ADGRV1: variants seen among roughly 807,000 people sequenced by gnomAD.
ADGRV1 encodes G-protein coupled receptor 98.
Under a neutral mutation model 596.2 loss-of-function variants are expected in ADGRV1, and 359 were observed. That is an observed-to-expected ratio of 0.60 (90% confidence interval 0.55 to 0.66). ADGRV1 has a LOEUF of 0.66. Ranked by LOEUF, ADGRV1 falls within the 30% of genes least tolerant of loss-of-function variation. ADGRV1 has a pLI of 0.00. For synonymous variants in ADGRV1, 2,681 were observed against 2,679.2 expected, an observed-to-expected ratio of 1.00 and a Z score of -0.02; for missense variants, 7,274 against 7,575.6, an observed-to-expected ratio of 0.96 and a Z score of 1.48.
intron 29 of ADGRV1, among the ~76,000 whole-genome samples, chr5:90,687,115 T>C (rs1745773875): frequency 6.6e-6 from 1 of 152,186 alleles, no homozygotes; most frequent in Non-Finnish European, 1.5e-5. Context: ...ATATTAGCCC[T>C]TTGTCAGATG....
intron 28 of ADGRV1, 109 bp downstream of exon 28, chr5:90,684,304 C>A: frequency 1.9e-6 from 2 of 1,042,168 alleles, no homozygotes; most frequent in Non-Finnish European, 2.7e-6. Flanking sequence ...TAAACTCTAA[C>A]TTTGAAAATG....
rs1465590723 is a variant in ADGRV1, at chr5:90,807,704, T to G, written c.14939T>G (p.Val4980Gly). ...PEAFVLHLSG[V>G]QSSAPGGAQL... is the part of the protein sequence containing the mutation. ...GCCTTTGTTCTTCACCTATCAGGAGTGCAGAGCAGTGCTCCTGGCGGAGCT... is the reference window on the plus strand; with the variant it reads ...GCCTTTGTTCTTCACCTATCAGGAGGGCAGAGCAGTGCTCCTGGCGGAGCT... The change falls in exon 73 of 90, where the codon GTG becomes GGG. Residue 4980 changes from valine to glycine, a missense_variant. Transcript: ENST00000405460. 6.3e-7 allele frequency: 1 copy of G among 1,587,186 alleles called. No homozygotes were observed. The highest frequency in any genetic ancestry group is 1.3e-5 in the African/African-American group (1 of 74,260).
chr5:91,053,468 C>A (rs202155721), intron 85 of ADGRV1, among the ~76,000 whole-genome samples: 2 of 152,274 alleles, frequency 1.3e-5, no homozygotes, highest in South Asian at 2.1e-4. Context: ...TAATTGTTAT[C>A]TTCCTGAAAA....
intron 83 of ADGRV1, among the ~76,000 whole-genome samples, chr5:90,877,272 A>G (rs1769305120): frequency 6.6e-6 from 1 of 151,828 alleles, no homozygotes; most frequent in Non-Finnish European, 1.5e-5. Context: ...TTAGTTTGCA[A>G]GGAATCTGGG....
At chr5:90,612,682 A>T (rs1355384631) in intron 1 of ADGRV1, among the ~76,000 whole-genome samples, 1 of 152,106 alleles carries the variant, frequency 6.6e-6, no homozygotes, top group Non-Finnish European at 1.5e-5. Flanking sequence ...TGCTGTTATG[A>T]TCACTCTGTA....
Position 91,102,240 on chromosome 5 carries a change from T to C in ADGRV1, c.18332T>C (p.Leu6111Pro). 1 of 1,609,814 alleles carries C rather than the reference T, an allele frequency of 6.2e-7. No individual in the cohort carries two copies. The highest frequency in any genetic ancestry group is 8.5e-7 in the Non-Finnish European group (1 of 1,177,590). The stretch of plus-strand genomic sequence containing the variant: ...CTAGAAATTCCACTGATTTTATATC[T>C]CTTTGCTCTGATTTCCGTGACATGG... ...NAAEIPLILYLFALISVTWLW... is the reference protein window; with the variant it reads ...NAAEIPLILYPFALISVTWLW... The change falls in exon 87 of 90, where the codon CTC becomes CCC. Residue 6111 changes from leucine to proline, a missense_variant. Coordinates refer to ENST00000405460, the MANE Select transcript of ADGRV1 (RefSeq NM_032119.4).
intron 83 of ADGRV1, among the ~76,000 whole-genome samples, chr5:90,955,753 A>ATATT (rs1194654127): frequency 6.6e-6 from 1 of 152,198 alleles, no homozygotes; most frequent in Non-Finnish European, 1.5e-5. Flanking sequence ...GTTGGATAAA[A>ATATT]TATTTGGGAA....
At chr5:90,777,796 C>A in intron 61 of ADGRV1, 109 bp from the exon 62 acceptor site, 1 of 1,022,342 alleles carries the variant, frequency 9.8e-7, no homozygotes, top group South Asian at 2.1e-5. Context: ...TAAAAGAAAA[C>A]TGTTATTGAA....
chr5:91,144,735 A>G (rs921827184), intron 87 of ADGRV1, among the ~76,000 whole-genome samples: 1 of 152,244 alleles, frequency 6.6e-6, no homozygotes, highest in African/African-American at 2.4e-5. Flanking sequence ...GGAAGAACAG[A>G]TGGATTATAT....
At position 90,728,926 on chromosome 5, in the gene ADGRV1, C is replaced by A; in HGVS notation, c.10419C>A (p.Val3473=). The change falls in exon 49 of 90, where the codon GTC becomes GTA. Residue 3473 remains valine (V), a synonymous_variant. Coordinates refer to ENST00000405460, the MANE Select transcript of ADGRV1 (RefSeq NM_032119.4). ...NDIYLIFAEN[V]FLGDQNSIDI... ...TTTACCTAATATTTGCCGAAAATGT[C>A]TTTCTAGGTGAGAAGATAAAGTATT... The A allele has an allele frequency of 6.2e-7, 1 of 1,604,890 alleles. No individual in the cohort carries two copies. The highest frequency in any genetic ancestry group is 8.5e-7 in the Non-Finnish European group (1 of 1,173,712).
At chr5:90,585,732 C>A (rs1360466442) in intron 1 of ADGRV1, among the ~76,000 whole-genome samples, 4 of 152,178 alleles carry the variant, frequency 2.6e-5, no homozygotes, top group African/African-American at 9.7e-5. Flanking sequence ...GAAGCAGTCC[C>A]GCATGTTAGG....
At chr5:90,827,064 G>T (rs1313446619) in intron 76 of ADGRV1, among the ~76,000 whole-genome samples, 1 of 152,052 alleles carries the variant, frequency 6.6e-6, no homozygotes, top group Non-Finnish European at 1.5e-5. Context: ...AATATTTGTT[G>T]CAAATATTTT....
At chr5:91,108,552 C>A (rs1272267818) in intron 87 of ADGRV1, among the ~76,000 whole-genome samples, 1 of 152,136 alleles carries the variant, frequency 6.6e-6, no homozygotes, top group Non-Finnish European at 1.5e-5. Context: ...ATTCTAGAAT[C>A]TGAGATCTCA....
At chr5:90,958,924 C>T (rs551146343) in intron 83 of ADGRV1, among the ~76,000 whole-genome samples, 119 of 152,150 alleles carry the variant, frequency 7.8e-4, no homozygotes, top group African/African-American at 2.3e-3. Flanking sequence ...AAATTAGAAA[C>T]AAAACAAAGA....
chr5:91,010,995 A>G (rs1782674193), intron 85 of ADGRV1, among the ~76,000 whole-genome samples: 1 of 151,996 alleles, frequency 6.6e-6, no homozygotes, highest in Non-Finnish European at 1.5e-5. Flanking sequence ...TATTGAATTC[A>G]ATTTATGTTA....
rs958077033 is a variant in ADGRV1, at chr5:90,817,293, A to T, written c.16196+1557A>T. On this transcript the variant is annotated intron_variant, in intron 75 of 89. Coordinates refer to ENST00000405460, the MANE Select transcript of ADGRV1 (RefSeq NM_032119.4). ...TTTTCTTGTAAATTTGTTTGAGTTC[A>T]TTGTAGATTCTGGATATTAGCCCTT... Among the ~76,000 whole-genome samples the T allele has an allele frequency of 1.4e-3, 218 of 151,130 alleles. 2 individuals carry two copies. The highest frequency in any genetic ancestry group is 4.8e-3 in the African/African-American group (195 of 40,656).
intron 83 of ADGRV1, among the ~76,000 whole-genome samples, chr5:90,954,552 A>T (rs1458353768): frequency 6.6e-6 from 1 of 152,162 alleles, no homozygotes; most frequent in Admixed American, 6.5e-5. Flanking sequence ...CTTTTCTCGT[A>T]CTTGCTCAAA....
rs146964079 is a variant in ADGRV1, at chr5:90,680,051, A to G, written c.5524+422A>G. ...CTTATTCTCTGTACAAAAAAGAACT[A>G]TGAATCCTTATATGTAAAATGTAAT... is the stretch of plus-strand genomic sequence containing the variant. On this transcript the variant is annotated intron_variant, in intron 26 of 89. Transcript: ENST00000405460. Among the ~76,000 whole-genome samples the G allele has an allele frequency of 1.5e-3, 232 of 152,340 alleles. 1 individual carries two copies. The highest frequency in any genetic ancestry group is 5.3e-3 in the African/African-American group (221 of 41,578).
chr5:90,768,652 C>G (rs1249056521), intron 59 of ADGRV1, among the ~76,000 whole-genome samples: 4 of 152,164 alleles, frequency 2.6e-5, no homozygotes, highest in African/African-American at 9.7e-5. Context: ...TCAGTCCTAC[C>G]TTGGTAACAG....
Sources: gnomAD v4.1 joint callset for allele counts (sites outside exome capture counted in the v4.1 genomes callset) on GRCh38, gnomAD v4.1.1 for gene constraint, MANE v1.5 for transcripts, NCBI Gene and HGNC (gene_info 2026-07-23, HGNC 2026-07-21) for gene names.